Variants in RPF1 observed in about 807,000 individuals in gnomAD.
RPF1 encodes ribosome production factor 1.
RPF1 carries 34 observed loss-of-function variants against 41.9 expected under a neutral mutation model. The ratio of observed to expected loss-of-function variants is 0.81; its 90% CI spans 0.62 to 1.08. The LOEUF (loss-of-function observed/expected upper bound fraction) is 1.08. Ranked by LOEUF, RPF1 falls within the 50% of genes least tolerant of loss-of-function variation. RPF1 has a pLI of 0.00. For missense variants in RPF1, 425 were observed against 435.2 expected, an observed-to-expected ratio of 0.98 and a Z score of 0.21; for synonymous variants, 140 against 148.9, an observed-to-expected ratio of 0.94 and a Z score of 0.43.
At chr1:84,493,318 G>A (rs3922538) in intron 5 of RPF1, among the ~76,000 whole-genome samples, 21 of 146,206 alleles carry the variant, frequency 1.4e-4, no homozygotes, top group African/African-American at 5.4e-4. Context: ...CTGATGCATG[G>A]TAGGCACTAC....
rs1210330121 is a variant in RPF1 at position 84,483,211 on chromosome 1, C to T, written c.366+216C>T. ...AAATTCTATAAAAATTCTAGGTAAACTTTTACATTTGTCATATAATCCCTG... is the reference window on the plus strand; with the variant it reads ...AAATTCTATAAAAATTCTAGGTAAATTTTTACATTTGTCATATAATCCCTG... On this transcript the variant is annotated intron_variant, in intron 3 of 8. Coordinates refer to ENST00000370654, the MANE Select transcript of RPF1 (RefSeq NM_025065.7). The T allele has an allele frequency of 7.5e-5, 39 of 522,368 alleles. No homozygotes were observed. In the South Asian group the frequency reaches 9.6e-4, roughly 13 times the overall value. 32.4% of individuals were successfully genotyped at this position (522,368 alleles called of 1,614,324 possible). A position where few individuals can be genotyped will look rare whatever the true frequency, so the allele number is the denominator to read the frequency against.
intron 2 of RPF1, 59 bp from the exon 3 acceptor site, chr1:84,482,843 GTTATTTTTCTCCA>G: frequency 1.1e-6 from 1 of 931,282 alleles, no homozygotes; most frequent in Middle Eastern, 2.2e-4. Context: ...GTAGCTTTCT[GTTATTTTTCTCCA>G]ACAGTAATAT....
At chr1:84,479,603 CAAA>C (rs1444320206) in intron 1 of RPF1, 94 bp downstream of exon 1, 1 of 1,197,820 alleles carries the variant, frequency 8.3e-7, no homozygotes, top group African/African-American at 1.5e-5. Flanking sequence ...CTGCTGGTCT[CAAA>C]AGTGTTCTCT....
At chr1:84,492,220 A>C (rs1161800469) in intron 5 of RPF1, among the ~76,000 whole-genome samples, 1 of 152,038 alleles carries the variant, frequency 6.6e-6, no homozygotes, top group Non-Finnish European at 1.5e-5. Flanking sequence ...AAAAATCACA[A>C]CTCCTAATGG....
intron 2 of RPF1, 130 bp from the exon 3 acceptor site, chr1:84,482,785 C>A: frequency 1.8e-6 from 1 of 557,024 alleles, no homozygotes. Context: ...ATTGATGTAG[C>A]AATAGAAGTG....
intron 5 of RPF1, among the ~76,000 whole-genome samples, chr1:84,491,332 G>T (rs1570350992): frequency 1.3e-5 from 2 of 152,036 alleles, no homozygotes; most frequent in African/African-American, 4.8e-5. Context: ...AAATTATAAA[G>T]AATTTACAAA....
intron 5 of RPF1, among the ~76,000 whole-genome samples, chr1:84,492,594 A>G (rs1482119796): frequency 6.6e-6 from 1 of 152,154 alleles, no homozygotes; most frequent in Admixed American, 6.5e-5. Context: ...TAAATGTATT[A>G]TGTTTATAAA....
At chr1:84,484,265 T>A (rs1681701749) in intron 3 of RPF1, among the ~76,000 whole-genome samples, 1 of 152,234 alleles carries the variant, frequency 6.6e-6, no homozygotes. Flanking sequence ...ATATTCCCTC[T>A]TAAATAAGAG....
chr1:84,497,449 T>C lies in RPF1; in HGVS notation c.1029T>C (p.Ser343=), dbSNP rs746431635. The change falls in exon 9 of 9, where the codon AGT becomes AGC. Residue 343 remains serine (S), a synonymous_variant. Transcript: ENST00000370654. Reference sequence around the variant, plus strand: ...TTCAGCCCCGGGAAATGGATACAAGTAGAAGAAAATTCCATTTATAAAGTA... The same window carrying C: ...TTCAGCCCCGGGAAATGGATACAAGCAGAAGAAAATTCCATTTATAAAGTA... ...WVHKPREMDT[S]RRKFHL 5.0e-6 allele frequency: 8 copies of C among 1,612,128 alleles called. No homozygotes were observed. Among genetic ancestry groups the C allele is most frequent in the East Asian group, 2.2e-5 (1 of 44,784 alleles).
rs1361686003 is a variant in RPF1 at position 84,496,978 on chromosome 1, TCTC to T, written c.1009-448_1009-446del. Among the ~76,000 whole-genome samples, 5 of 151,986 alleles carry T rather than the reference TCTC, an allele frequency of 3.3e-5. No homozygotes were observed. In the South Asian group the frequency reaches 1.0e-3, roughly 32 times the overall value. ...CCTCCACCTCCCGGGTTCAAGCTAT[TCTC>T]CTGCCTCAGCCTCCCGAGTAGCTGG... On this transcript the variant is annotated intron_variant, in intron 8 of 8. Coordinates refer to ENST00000370654, the MANE Select transcript of RPF1 (RefSeq NM_025065.7).
At chr1:84,490,952 C>T (rs146236942) in intron 5 of RPF1, among the ~76,000 whole-genome samples, 234 of 152,108 alleles carry the variant, frequency 1.5e-3, no homozygotes, top group African/African-American at 5.4e-3. Context: ...AGAGGGACTA[C>T]CATTTGGAAA....
Position 84,495,960 on chromosome 1 carries a change from G to A in RPF1, c.778G>A (p.Gly260Arg). 6.2e-7 allele frequency: 1 copy of A among 1,610,320 alleles called. No individual in the cohort carries two copies. The highest frequency in any genetic ancestry group is 8.5e-7 in the Non-Finnish European group (1 of 1,176,626). ...TACAACACGGCTGGGTCATTCAATT[G>A]GACGTATGTTTGCATCTCTCTTTCC... The part of the protein sequence containing the change: ...NFTTRLGHSI[G>R]RMFASLFPHN... The change falls in exon 7 of 9, where the codon GGA (glycine) becomes AGA (arginine). Residue 260 changes from glycine to arginine, a missense_variant. Transcript: ENST00000370654.
rs762082197 is a variant in RPF1 at position 84,489,679 on chromosome 1, A to C, written c.413A>C (p.Lys138Thr). Residue 138 changes from lysine (K) to threonine (T), a missense_variant, in exon 4 of 9, where the codon AAA becomes ACA. By Grantham distance (78) the Lys-to-Thr change is moderately conservative (BLOSUM62 -1). Coordinates refer to ENST00000370654, the MANE Select transcript of RPF1 (RefSeq NM_025065.7). ...GATGAATTTGCTTCTTACTTCAACAAACAGACTTCTCCCAAGATTCTCATC... is the reference window on the plus strand; with the variant it reads ...GATGAATTTGCTTCTTACTTCAACACACAGACTTCTCCCAAGATTCTCATC... ...ATDEFASYFN[K>T]QTSPKILITT... 7 of 1,610,586 alleles carry C rather than the reference A, an allele frequency of 4.3e-6. No homozygotes were observed. The East Asian group carries it at 1.6e-4, about 36-fold the overall frequency.
At chr1:84,484,947 C>T (rs1352525383) in intron 3 of RPF1, among the ~76,000 whole-genome samples, 2 of 152,088 alleles carry the variant, frequency 1.3e-5, no homozygotes, top group African/African-American at 2.4e-5. Flanking sequence ...GCTGGGATTA[C>T]GGGCGTGAGC....
chr1:84,496,327 G>A lies in RPF1; in HGVS notation c.965G>A (p.Gly322Glu). Residue 322 changes from glycine to glutamate, a missense_variant, in exon 8 of 9, where the codon GGA (glycine) becomes GAA (glutamate). By Grantham distance (98) the Gly-to-Glu change is moderately conservative. Transcript: ENST00000370654. ...TTAAAATTAAGGTCTCTTCAGAAAG[G>A]AACCTTTGATTCTAAATATGGAGAG... ...FTLKLRSLQK[G>E]TFDSKYGEYE... is the part of the protein sequence containing the mutation. 7.4e-6 allele frequency: 12 copies of A among 1,612,548 alleles called. No individual in the cohort carries two copies. The highest frequency in any genetic ancestry group is 1.0e-5 in the Non-Finnish European group (12 of 1,179,072).
At chr1:84,491,226 A>G (rs1435789300) in intron 5 of RPF1, among the ~76,000 whole-genome samples, 4 of 152,054 alleles carry the variant, frequency 2.6e-5, no homozygotes, top group Admixed American at 1.3e-4. Context: ...TTGCTGTTTT[A>G]TTTATTTATT....
rs1425632734 is a variant in RPF1 at position 84,489,613 on chromosome 1, T to C, written c.367-20T>C. ...AGAGTATTTCTTTGATGTAAAATTA[T>C]TCCTCTTCTCTGTTCTCAGGTCGCT... On this transcript the variant is annotated intron_variant, in intron 3 of 8. Coordinates refer to ENST00000370654, the MANE Select transcript of RPF1 (RefSeq NM_025065.7). The C allele has an allele frequency of 5.0e-6, 7 of 1,400,602 alleles. No individual in the cohort carries two copies. Among genetic ancestry groups the C allele is most frequent in the Non-Finnish European group, 7.1e-6 (7 of 986,010 alleles). 86.8% of individuals were successfully genotyped at this position (1,400,602 alleles called of 1,614,324 possible).
intron 5 of RPF1, 72 bp downstream of exon 5, chr1:84,490,544 T>G: frequency 9.5e-7 from 1 of 1,047,706 alleles, no homozygotes; most frequent in Non-Finnish European, 1.4e-6. Context: ...TTTAAAAGAA[T>G]AAGGAAATAT....
At position 84,497,298 on chromosome 1, in the gene RPF1, A is replaced by G. The variant is rs1681959275; in HGVS notation, c.1009-131A>G. ...GAAGACTGACTATTCGGGGTCTCGC[A>G]CAAACCCGGTTTTTCAGCACTAGTG... On this transcript the variant is annotated intron_variant, in intron 8 of 8. Transcript: ENST00000370654. The G allele has an allele frequency of 2.7e-5, 18 of 664,520 alleles. No homozygotes were observed. In the South Asian group the frequency reaches 3.4e-4, roughly 13 times the overall value. 41.2% of individuals were successfully genotyped at this position (664,520 alleles called of 1,614,324 possible).
Sources: gnomAD v4.1 joint callset for allele counts (sites outside exome capture counted in the v4.1 genomes callset) on GRCh38, gnomAD v4.1.1 for gene constraint, MANE v1.5 for transcripts, NCBI Gene and HGNC (gene_info 2026-07-23, HGNC 2026-07-21) for gene names.